TMEM35B: variants seen among roughly 807,000 people sequenced by gnomAD.
The protein encoded by TMEM35B is transmembrane protein 35B, also known as ZMYM6 neighbor protein.
TMEM35B carries 6 observed loss-of-function variants against 8.7 expected under a neutral mutation model. The ratio of observed to expected loss-of-function variants is 0.69; its 90% CI spans 0.38 to 1.36. The LOEUF is 1.36. TMEM35B is among the 40% of genes most tolerant of loss of function. TMEM35B has a pLI of 0.02. For missense variants in TMEM35B, 176 were observed against 181.6 expected (o/e 0.97, Z 0.18); for synonymous variants, 89 against 87.0 (o/e 1.02, Z -0.13).
chr1:34,982,421 T>G (rs1052915701), intron 2 of TMEM35B, among the ~76,000 whole-genome samples: 7 of 136,120 alleles, frequency 5.1e-5, no homozygotes, highest in African/African-American at 2.6e-4. Context: ...GTGGATAGAT[T>G]TTAGAAAAAA....
intron 1 of TMEM35B, among the ~76,000 whole-genome samples, chr1:34,984,606 C>A (rs1342463315): frequency 6.6e-6 from 1 of 152,152 alleles, no homozygotes; most frequent in Non-Finnish European, 1.5e-5. Context: ...GATATGAAAG[C>A]TTTCCCATGA....
chr1:34,985,305 T>C (rs1043299997), exon 1 of TMEM35B: 55 of 1,529,410 alleles, frequency 3.6e-5, no homozygotes, highest in Non-Finnish European at 4.4e-5. Context: ...AGGAGCGCCA[T>C]GGCCGCGCTC....
intron 1 of TMEM35B, 80 bp downstream of exon 1, chr1:34,985,116 GCC>G (rs1640552929): frequency 1.7e-6 from 2 of 1,144,554 alleles, no homozygotes; most frequent in Non-Finnish European, 2.3e-6. Context: ...AAGGCGGCCT[GCC>G]GGGCCGGGGG....
exon 2 of TMEM35B, chr1:34,983,884 G>C: frequency 6.5e-7 from 1 of 1,544,692 alleles, no homozygotes; most frequent in Non-Finnish European, 8.7e-7. Flanking sequence ...TAGTTCAGGG[G>C]ATCTGGCTGG....
Position 34,982,137 on chromosome 1 carries a change from G to A in TMEM35B, c.290-18C>T, listed in dbSNP as rs762131379. ...GATAGCCCCTGGAATGGAAAGTGAG[G>A]TCCCTGAGGCTCCTTGGAAGAACCC... On this transcript the variant is annotated intron_variant, in intron 2 of 2. Transcript: ENST00000373337. 393 of 1,533,076 alleles carry A rather than the reference G, an allele frequency of 2.6e-4. No homozygotes were observed. The highest frequency in any genetic ancestry group is 3.3e-4 in the Non-Finnish European group (377 of 1,139,064). The allele number at this position is 1,533,076 out of a possible 1,614,324, so 95.0% of individuals were successfully genotyped here.
intron 1 of TMEM35B, 47 bp from the exon 2 acceptor site, chr1:34,983,994 T>G (rs1203138636): frequency 7.1e-7 from 1 of 1,411,054 alleles, no homozygotes; most frequent in Non-Finnish European, 9.3e-7. Flanking sequence ...TCAACAAGGA[T>G]GAGCTCCCCA....
At chr1:34,982,031 A>C in exon 3 of TMEM35B, 1 of 1,550,318 alleles carries the variant, frequency 6.5e-7, no homozygotes, top group Non-Finnish European at 8.7e-7. Flanking sequence ...GCTGGCCGAC[A>C]TTCAGCAGCA....
intron 1 of TMEM35B, among the ~76,000 whole-genome samples, 173 bp from the exon 2 acceptor site, chr1:34,984,120 G>A (rs1316837852): frequency 2.0e-5 from 3 of 152,218 alleles, no homozygotes; most frequent in Non-Finnish European, 4.4e-5. Context: ...GCCCTGTGGC[G>A]CTGAGCTTTG....
chr1:34,983,606 T>G (rs867596354), intron 2 of TMEM35B, among the ~76,000 whole-genome samples, 161 bp downstream of exon 2: 1 of 81,568 alleles, frequency 1.2e-5, no homozygotes, highest in African/African-American at 8.5e-5. Context: ...AAAAAAAAAA[T>G]ACCTGTGCTA....
At chr1:34,983,855 A>G in exon 2 of TMEM35B, 2 of 1,546,320 alleles carry the variant, frequency 1.3e-6, no homozygotes, top group Non-Finnish European at 1.7e-6. Context: ...GCAGTTCCAG[A>G]AAGCCCACAG....
exon 2 of TMEM35B, chr1:34,983,869 T>G: frequency 6.5e-7 from 1 of 1,545,152 alleles, no homozygotes; most frequent in Non-Finnish European, 8.7e-7. Context: ...CCCACAGCTA[T>G]TTGGTAGTTC....
chr1:34,984,848 C>T (rs1640547796), intron 1 of TMEM35B, among the ~76,000 whole-genome samples: 1 of 150,554 alleles, frequency 6.6e-6, no homozygotes, highest in South Asian at 2.1e-4. Context: ...CTGAAGCAAA[C>T]GGCGAAAAGA....
exon 1 of TMEM35B, chr1:34,985,306 G>T (rs1209823698): frequency 6.5e-7 from 1 of 1,529,894 alleles, no homozygotes; most frequent in Non-Finnish European, 8.8e-7. Context: ...GGAGCGCCAT[G>T]GCCGCGCTCC....
exon 2 of TMEM35B, chr1:34,983,803 C>T (rs1405208986): frequency 5.7e-5 from 88 of 1,541,860 alleles, no homozygotes; most frequent in Non-Finnish European, 7.5e-5. Flanking sequence ...TTACTGATCT[C>T]TTGCAGCATC....
chr1:34,982,963 G>A (rs1005341287), intron 2 of TMEM35B, among the ~76,000 whole-genome samples: 2 of 152,184 alleles, frequency 1.3e-5, no homozygotes, highest in Non-Finnish European at 2.9e-5. Context: ...AAGATATCTG[G>A]CCTTTGAAGC....
At chr1:34,982,258 C>T in intron 2 of TMEM35B, 139 bp from the exon 3 acceptor site, 1 of 624,336 alleles carries the variant, frequency 1.6e-6, no homozygotes, top group Non-Finnish European at 2.6e-6. Flanking sequence ...ACGCACATTC[C>T]CAAAACTAGC....
In TMEM35B at chr1:34,981,613, ATATC is replaced by A. The variant is rs560011218; in HGVS notation, c.*327_*330del. 1,157 of 156,838 alleles carry A rather than the reference ATATC, an allele frequency of 7.4e-3. 9 individuals are homozygous for A. Among genetic ancestry groups the A allele is most frequent in the Non-Finnish European group, 0.011 (776 of 70,998 alleles). 9.7% of individuals were successfully genotyped at this position (156,838 alleles called of 1,614,324 possible). Reference sequence around the variant, plus strand: ...TTTTATTTTCATTTAAAAAAAATATATATCTGTTTAAAGGCACAGAAAAAAGTTC... The same window carrying A: ...TTTTATTTTCATTTAAAAAAAATATATGTTTAAAGGCACAGAAAAAAGTTC... On this transcript the variant is annotated 3_prime_UTR_variant, in exon 3 of 3. Coordinates refer to ENST00000373337, the Ensembl canonical transcript of TMEM35B.
chr1:34,984,748 T>C (rs1228429680), intron 1 of TMEM35B, among the ~76,000 whole-genome samples: 1 of 152,156 alleles, frequency 6.6e-6, no homozygotes, highest in Non-Finnish European at 1.5e-5. Flanking sequence ...AGATGTGCAA[T>C]CTTTAGCAGA....
intron 2 of TMEM35B, among the ~76,000 whole-genome samples, chr1:34,983,435 C>T (rs1010911373): frequency 6.6e-6 from 1 of 151,770 alleles, no homozygotes; most frequent in Non-Finnish European, 1.5e-5. Context: ...AAAAATCAGT[C>T]GGGCGCTGTG....
Sources: gnomAD v4.1 joint callset for allele counts (sites outside exome capture counted in the v4.1 genomes callset) on GRCh38, gnomAD v4.1.1 for gene constraint, MANE v1.5 for transcripts, NCBI Gene and HGNC (gene_info 2026-07-23, HGNC 2026-07-21) for gene names.